SPINK8: variants seen among roughly 807,000 people sequenced by gnomAD.
SPINK8 encodes the protein serine protease inhibitor Kazal-type 8.
A neutral mutation model predicts 14.4 loss-of-function variants in SPINK8; 12 were observed. The ratio of observed to expected loss-of-function variants is 0.83; its 90% CI spans 0.53 to 1.35. The LOEUF is 1.35. Among genes scored for constraint, SPINK8 ranks in the 40% most tolerant of loss-of-function variants. SPINK8 has a pLI of 0.00. For missense variants in SPINK8, 103 were observed against 117.0 expected (o/e 0.88, Z 0.55); for synonymous variants, 32 against 37.6 (o/e 0.85, Z 0.55).
chr3:48,325,415 T>G (rs952467710), intron 4 of SPINK8, among the ~76,000 whole-genome samples: 1 of 150,508 alleles, frequency 6.6e-6, no homozygotes, highest in African/African-American at 2.4e-5. Context: ...ATTTTTTTAA[T>G]GTAACGTTGT....
chr3:48,316,791 A>G (rs1417747851), intron 6 of SPINK8, among the ~76,000 whole-genome samples: 2 of 152,152 alleles, frequency 1.3e-5, no homozygotes, highest in Non-Finnish European at 2.9e-5. Context: ...ATGAATAAAT[A>G]AAAGAAAAAT....
At chr3:48,324,866 T>C (rs952470000) in intron 4 of SPINK8, among the ~76,000 whole-genome samples, 1 of 152,194 alleles carries the variant, frequency 6.6e-6, no homozygotes, top group African/African-American at 2.4e-5. Flanking sequence ...GTCTAGTTGT[T>C]TTAGCCATTA....
chr3:48,317,460 C>G (rs989175866), intron 6 of SPINK8, among the ~76,000 whole-genome samples: 2 of 151,984 alleles, frequency 1.3e-5, no homozygotes, highest in African/African-American at 4.8e-5. Flanking sequence ...TGCACTCCAG[C>G]ATGCGCAACA....
At chr3:48,330,546 G>A (rs1195268972) in intron 2 of SPINK8, among the ~76,000 whole-genome samples, 1 of 152,098 alleles carries the variant, frequency 6.6e-6, no homozygotes, top group Middle Eastern at 3.2e-3. Context: ...ATTTAATAGA[G>A]TGGAAACAGA....
intron 4 of SPINK8, among the ~76,000 whole-genome samples, chr3:48,323,234 T>C (rs2036098291): frequency 6.6e-6 from 1 of 152,040 alleles, no homozygotes; most frequent in Admixed American, 6.6e-5. Flanking sequence ...AACCTCCACC[T>C]CCCAGGTTCA....
At chr3:48,314,295 C>CA (rs1421568536) in intron 6 of SPINK8, among the ~76,000 whole-genome samples, 1 of 149,722 alleles carries the variant, frequency 6.7e-6, no homozygotes, top group African/African-American at 2.5e-5. Flanking sequence ...AGAACACTGG[C>CA]AAAAATGGTC....
chr3:48,317,518 ATTTAT>A (rs2036009434), intron 6 of SPINK8, among the ~76,000 whole-genome samples: 1 of 151,974 alleles, frequency 6.6e-6, no homozygotes, highest in South Asian at 2.1e-4. Context: ...GCATTTATTT[ATTTAT>A]TTATTTATTT....
chr3:48,326,679 C>T (rs984046385), intron 4 of SPINK8, among the ~76,000 whole-genome samples: 7 of 151,806 alleles, frequency 4.6e-5, no homozygotes, highest in East Asian at 3.9e-4. Context: ...GAGGCCAAGC[C>T]GGATGGATCA....
At chr3:48,312,511 T>C (rs372523626) in intron 6 of SPINK8, among the ~76,000 whole-genome samples, 172 of 151,232 alleles carry the variant, frequency 1.1e-3, no homozygotes, top group African/African-American at 4.1e-3. Flanking sequence ...GGCTTGGTGG[T>C]GGGCACCTGT....
chr3:48,322,145 G>A (rs1385219710), intron 4 of SPINK8, among the ~76,000 whole-genome samples: 2 of 151,124 alleles, frequency 1.3e-5, no homozygotes, highest in Non-Finnish European at 2.9e-5. Context: ...TCATATAGAG[G>A]ATTTTTTTCT....
chr3:48,320,959 G>A, intron 5 of SPINK8, 66 bp downstream of exon 5: 8 of 1,508,558 alleles, frequency 5.3e-6, no homozygotes, highest in Non-Finnish European at 6.3e-6. Context: ...AGAAAGAGCT[G>A]GGGCTTTTGG....
chr3:48,328,016 G>A (rs1278379901), intron 4 of SPINK8, among the ~76,000 whole-genome samples: 1 of 152,132 alleles, frequency 6.6e-6, no homozygotes, highest in African/African-American at 2.4e-5. Flanking sequence ...GTACATTTCT[G>A]AGGTTTAAAT....
At position 48,306,912 on chromosome 3, in the gene SPINK8, G is replaced by T; in HGVS notation, c.*80C>A. 1 of 1,413,012 alleles carries T rather than the reference G, an allele frequency of 7.1e-7. No homozygotes were observed. The highest frequency in any genetic ancestry group is 1.2e-5 in the South Asian group (1 of 81,628). 87.5% of individuals were successfully genotyped at this position (1,413,012 alleles called of 1,614,324 possible). ...GATCCAACCATTAGTAATTAAAGGGGATATATTTGAAGAGGCAACCATTGT... is the reference window on the plus strand; with the variant it reads ...GATCCAACCATTAGTAATTAAAGGGTATATATTTGAAGAGGCAACCATTGT... On this transcript the variant is annotated 3_prime_UTR_variant, in exon 8 of 8. Coordinates refer to ENST00000434006, the MANE Select transcript of SPINK8 (RefSeq NM_001080525.3).
chr3:48,311,293 A>T (rs1440708869), intron 6 of SPINK8, among the ~76,000 whole-genome samples: 1 of 152,238 alleles, frequency 6.6e-6, no homozygotes, highest in Non-Finnish European at 1.5e-5. Flanking sequence ...TATCGTACTC[A>T]ATGGTGAAAG....
At chr3:48,317,086 T>C (rs1365356174) in intron 6 of SPINK8, among the ~76,000 whole-genome samples, 1 of 152,354 alleles carries the variant, frequency 6.6e-6, no homozygotes, top group African/African-American at 2.4e-5. Context: ...AAGAGGCAAC[T>C]GCATAAAACA....
At chr3:48,331,730 A>G (rs1208756265) in intron 2 of SPINK8, among the ~76,000 whole-genome samples, 1 of 152,232 alleles carries the variant, frequency 6.6e-6, no homozygotes, top group Non-Finnish European at 1.5e-5. Flanking sequence ...AAAATGGTAA[A>G]GTTCCCTAGT....
chr3:48,314,983 C>G (rs1195661265), intron 6 of SPINK8, among the ~76,000 whole-genome samples: 1 of 152,206 alleles, frequency 6.6e-6, no homozygotes, highest in Non-Finnish European at 1.5e-5. Context: ...TAGCTTTAAA[C>G]TGCCTGGTTG....
At chr3:48,320,920 C>A in intron 5 of SPINK8, 105 bp downstream of exon 5, 1 of 1,110,696 alleles carries the variant, frequency 9.0e-7, no homozygotes, top group South Asian at 1.5e-5. Flanking sequence ...TATTCCCATG[C>A]AAGCCCCCTC....
intron 6 of SPINK8, among the ~76,000 whole-genome samples, chr3:48,312,049 G>C (rs182368902): frequency 6.6e-6 from 1 of 151,446 alleles, no homozygotes; most frequent in East Asian, 2.0e-4. Context: ...CAGGAGGATT[G>C]TGTGGGCCTG....
Sources: allele counts gnomAD v4.1 joint callset (sites outside exome capture counted in the v4.1 genomes callset), GRCh38; gene constraint gnomAD v4.1.1; transcripts MANE v1.5; gene names NCBI Gene and HGNC (gene_info 2026-07-23, HGNC 2026-07-21).